MIGA2: variants seen among roughly 807,000 people sequenced by gnomAD.
The protein encoded by MIGA2 is family with sequence similarity 73, member B.
In MIGA2, 36 loss-of-function variants were observed where a neutral mutation model predicts 69.9. The ratio of observed to expected loss-of-function variants is 0.52; its 90% CI spans 0.39 to 0.68. The LOEUF is 0.68. MIGA2 is among the 30% of genes least tolerant of loss of function. The pLI is 0.00. For missense variants in MIGA2, 660 were observed against 787.7 expected (o/e 0.84, Z 1.94); for synonymous variants, 333 against 349.2 (o/e 0.95, Z 0.52).
Position 129,068,751 on chromosome 9 carries a change from G to C in MIGA2, c.1405-325G>C. The C allele has an allele frequency of 2.3e-6, 1 of 443,494 alleles. No individual in the cohort carries two copies. The highest frequency in any genetic ancestry group is 2.7e-5 in the South Asian group (1 of 36,440). 27.5% of individuals were successfully genotyped at this position (443,494 alleles called of 1,614,324 possible). On this transcript the variant is annotated intron_variant, in intron 13 of 15. Coordinates refer to ENST00000684074, the MANE Select transcript of MIGA2 (RefSeq NM_001329990.2). This position sits in a 1 kb window ranked among gnomAD's most constrained non-coding sequence, Gnocchi z 4.1. ...AGCCGGGCTGTGCTGCCTGGGCCCA[G>C]GCTTCTGCGAGGTGGTTTACAGGCG... is the stretch of plus-strand genomic sequence containing the variant.
intron 11 of MIGA2, chr9:129,067,446 A>T (rs1846420691): frequency 3.2e-6 from 1 of 312,428 alleles, no homozygotes; most frequent in Non-Finnish European, 6.0e-6. Flanking sequence ...GTTGAGGTCC[A>T]AGGTCACGGA....
chr9:129,049,160 T>A (rs1167536343), intron 4 of MIGA2, among the ~76,000 whole-genome samples: 1 of 152,210 alleles, frequency 6.6e-6, no homozygotes, highest in Non-Finnish European at 1.5e-5. Context: ...GGTCTCAGGA[T>A]TCCTTCCTGC....
intron 9 of MIGA2, chr9:129,063,030 G>T: frequency 1.7e-6 from 1 of 594,542 alleles, no homozygotes; most frequent in East Asian, 2.8e-5. Context: ...AGGCTGACAC[G>T]TCCTCAGAGA....
intron 4 of MIGA2, among the ~76,000 whole-genome samples, chr9:129,048,829 T>C (rs1845371260): frequency 6.6e-6 from 1 of 152,176 alleles, no homozygotes; most frequent in East Asian, 1.9e-4. Context: ...ACCTGCGTTA[T>C]ACCAGGGACT....
intron 3 of MIGA2, among the ~76,000 whole-genome samples, chr9:129,047,765 T>C (rs2131353376): frequency 6.6e-6 from 1 of 152,154 alleles, no homozygotes; most frequent in East Asian, 1.9e-4. Context: ...GGTCTCACTC[T>C]GCTTCCCAGT....
chr9:129,042,623 C>T lies in MIGA2; in HGVS notation c.307+109C>T, dbSNP rs763564243. 574 of 1,140,422 alleles carry T rather than the reference C, an allele frequency of 5.0e-4. 3 individuals are homozygous for T. The highest frequency in any genetic ancestry group is 1.3e-4 in the Non-Finnish European group (102 of 802,296). 70.6% of individuals were successfully genotyped at this position (1,140,422 alleles called of 1,614,324 possible). ...ATATTGGGCCAGTGTCTTCCTGTCT[C>T]AGAGCCAAGGTCTCCTGATCTGTGA... On this transcript the variant is annotated intron_variant, in intron 3 of 15. Transcript: ENST00000684074.
chr9:129,051,971 G>A (rs1267732578), intron 6 of MIGA2, among the ~76,000 whole-genome samples: 2 of 151,962 alleles, frequency 1.3e-5, no homozygotes, highest in African/African-American at 2.4e-5. Context: ...GACTACAGGT[G>A]CCTACCACCA....
chr9:129,037,836 C>T (rs1318306497), intron 1 of MIGA2, among the ~76,000 whole-genome samples: 1 of 152,160 alleles, frequency 6.6e-6, no homozygotes, highest in Non-Finnish European at 1.5e-5. Context: ...CCTGCCACAG[C>T]CTTGAGATCC....
At chr9:129,046,470 T>C (rs1845229375) in intron 3 of MIGA2, among the ~76,000 whole-genome samples, 1 of 151,718 alleles carries the variant, frequency 6.6e-6, no homozygotes, top group Non-Finnish European at 1.5e-5. Context: ...TTTTTTTTTT[T>C]TTTTGGAGAC....
At chr9:129,056,159 T>G (rs568277059) in intron 6 of MIGA2, among the ~76,000 whole-genome samples, 13 of 152,026 alleles carry the variant, frequency 8.6e-5, no homozygotes, top group Admixed American at 8.5e-4. Flanking sequence ...ACTTATGTTG[T>G]TCAAGGGTCA....
At chr9:129,070,169 AG>A in intron 15 of MIGA2, 77 bp from the exon 16 acceptor site, 1 of 1,517,618 alleles carries the variant, frequency 6.6e-7, no homozygotes, top group Non-Finnish European at 9.1e-7. Context: ...GTGGTGGACA[AG>A]GGGACTTCAG....
intron 3 of MIGA2, among the ~76,000 whole-genome samples, chr9:129,043,756 T>TG (rs1030801294): frequency 3.3e-5 from 5 of 151,620 alleles, no homozygotes; most frequent in Non-Finnish European, 7.4e-5. Context: ...GCTGGAGTGC[T>TG]GTGGCATGAT....
Position 129,055,105 on chromosome 9 carries a change from T to C in MIGA2, c.676-4049T>C, listed in dbSNP as rs187918890. 6.2e-4 allele frequency among the ~76,000 whole-genome samples: 91 copies of C among 146,568 alleles called. No homozygotes were observed. The East Asian group carries it at 0.018, about 29-fold the overall frequency. On this transcript the variant is annotated intron_variant, in intron 6 of 15. Coordinates refer to ENST00000684074, the MANE Select transcript of MIGA2 (RefSeq NM_001329990.2). ...CTTTTTTTTTTTTTTTGAGATGGAGTCTCGCTCTGTCGCCCAGGCTGGAGT... is the reference window on the plus strand; with the variant it reads ...CTTTTTTTTTTTTTTTGAGATGGAGCCTCGCTCTGTCGCCCAGGCTGGAGT...
Position 129,068,976 on chromosome 9 carries a change from G to A in MIGA2, c.1405-100G>A, listed in dbSNP as rs1488145475. ...GCCCCATCTTCCTGCTTGGAGTGGGGTGAGCTGGGTTTAAGGGCTTGGTGC... is the reference window on the plus strand; with the variant it reads ...GCCCCATCTTCCTGCTTGGAGTGGGATGAGCTGGGTTTAAGGGCTTGGTGC... On this transcript the variant is annotated intron_variant, in intron 13 of 15. Coordinates refer to ENST00000684074, the MANE Select transcript of MIGA2 (RefSeq NM_001329990.2). This position sits in a 1 kb window ranked among gnomAD's most constrained non-coding sequence, Gnocchi z 4.1. 4.6e-5 allele frequency: 64 copies of A among 1,383,080 alleles called. No individual in the cohort carries two copies. Among genetic ancestry groups the A allele is most frequent in the Non-Finnish European group, 6.4e-5 (62 of 972,770 alleles). The allele number at this position is 1,383,080 out of a possible 1,614,324, so 85.7% of individuals were successfully genotyped here. A position where few individuals can be genotyped will look rare whatever the true frequency, so the allele number is the denominator to read the frequency against.
At chr9:129,042,622 T>A (rs1302166693) in intron 3 of MIGA2, 108 bp downstream of exon 3, 1 of 1,169,730 alleles carries the variant, frequency 8.5e-7, no homozygotes, top group Non-Finnish European at 1.2e-6. Flanking sequence ...TCTTCCTGTC[T>A]CAGAGCCAAG....
intron 3 of MIGA2, among the ~76,000 whole-genome samples, chr9:129,047,868 T>G (rs1045857594): frequency 1.3e-5 from 2 of 151,998 alleles, no homozygotes; most frequent in East Asian, 3.9e-4. Context: ...TAGCTGGGGC[T>G]GCAGGCCACG....
Position 129,070,561 on chromosome 9 carries a change from C to T in MIGA2, c.*108C>T. ...GGCCGTTGCCCCTGACTTTGCCCCA[C>T]CCCCATCATCTGGGAGTCCCCAAGG... On this transcript the variant is annotated 3_prime_UTR_variant, in exon 16 of 16. Coordinates refer to ENST00000684074, the MANE Select transcript of MIGA2 (RefSeq NM_001329990.2). 1 of 1,243,140 alleles carries T rather than the reference C, an allele frequency of 8.0e-7. No individual in the cohort carries two copies. Among genetic ancestry groups the T allele is most frequent in the East Asian group, 2.6e-5 (1 of 39,046 alleles). The allele number at this position is 1,243,140 out of a possible 1,614,324, so 77.0% of individuals were successfully genotyped here. A position where few individuals can be genotyped will look rare whatever the true frequency, so the allele number is the denominator to read the frequency against.
Position 129,061,140 on chromosome 9 carries a change from C to T in MIGA2, c.895-91C>T, listed in dbSNP as rs986665785. On this transcript the variant is annotated intron_variant, in intron 8 of 15. Coordinates refer to ENST00000684074, the MANE Select transcript of MIGA2 (RefSeq NM_001329990.2). This position sits in a 1 kb window ranked among gnomAD's most constrained non-coding sequence, Gnocchi z 5.0. ...GCAGTGGGCAGGCACCTGGGGTGGC[C>T]GCTGTGGCCGACCAATGGGCAGGTG... 1.9e-5 allele frequency: 21 copies of T among 1,106,356 alleles called. No individual in the cohort carries two copies. Among genetic ancestry groups the T allele is most frequent in the South Asian group, 4.0e-5 (3 of 74,994 alleles). The allele number at this position is 1,106,356 out of a possible 1,614,324, so 68.5% of individuals were successfully genotyped here.
rs1846648538 is a variant in MIGA2 at position 129,071,009 on chromosome 9, C to G, written c.*556C>G. 3 of 153,698 alleles carry G rather than the reference C, an allele frequency of 2.0e-5. No individual in the cohort carries two copies. The highest frequency in any genetic ancestry group is 1.3e-4 in the Admixed American group (2 of 15,468). The allele number at this position is 153,698 out of a possible 1,614,324, so 9.5% of individuals were successfully genotyped here. A position where few individuals can be genotyped will look rare whatever the true frequency, so the allele number is the denominator to read the frequency against. ...AGAGATGGGGCAGAGGTGGGCCTCC[C>G]ACTCCTGTGCTCTCTTCTGAGCAGG... is the stretch of plus-strand genomic sequence containing the variant. On this transcript the variant is annotated 3_prime_UTR_variant, in exon 16 of 16. Transcript: ENST00000684074.
Sources: allele counts gnomAD v4.1 joint callset (sites outside exome capture counted in the v4.1 genomes callset), GRCh38; gene constraint gnomAD v4.1.1; non-coding constraint Gnocchi (gnomAD v3.1); transcripts MANE v1.5; gene names NCBI Gene and HGNC (gene_info 2026-07-23, HGNC 2026-07-21).